FRMD4B: variants seen among roughly 807,000 people sequenced by gnomAD.
The protein encoded by FRMD4B is FERM domain-containing protein 4B.
A neutral mutation model predicts 141.5 loss-of-function variants in FRMD4B; 74 were observed. That is an observed-to-expected ratio of 0.52 (90% confidence interval 0.43 to 0.63). The LOEUF (loss-of-function observed/expected upper bound fraction) is 0.63, where lower values mean the gene tolerates loss of function less well. Among genes scored for constraint, FRMD4B ranks in the 30% least tolerant of loss-of-function variants. The pLI, the probability that FRMD4B is intolerant of heterozygous loss-of-function variation, is 0.00. For synonymous variants in FRMD4B, 506 were observed against 467.9 expected, an observed-to-expected ratio of 1.08 and a Z score of -1.05; for missense variants, 1,366 against 1,253.4, an observed-to-expected ratio of 1.09 and a Z score of -1.36.
At chr3:69,476,306 A>C (rs1251263208) in intron 1 of FRMD4B, among the ~76,000 whole-genome samples, 1 of 151,956 alleles carries the variant, frequency 6.6e-6, no homozygotes, top group Non-Finnish European at 1.5e-5. Flanking sequence ...GGTAATGCCT[A>C]GGTTTTCTTC....
At chr3:69,321,458 C>T (rs548950304) in intron 1 of FRMD4B, among the ~76,000 whole-genome samples, 199 of 152,240 alleles carry the variant, frequency 1.3e-3, no homozygotes, top group African/African-American at 4.0e-3. Flanking sequence ...ATTTTCTGTG[C>T]GGTCACCTTC....
intron 1 of FRMD4B, among the ~76,000 whole-genome samples, chr3:69,371,471 T>C (rs1451928709): frequency 6.6e-6 from 1 of 152,096 alleles, no homozygotes; most frequent in Non-Finnish European, 1.5e-5. Context: ...TGAAGGGATC[T>C]GAACAGAAAA....
At chr3:69,194,987 T>C (rs1364949401) in intron 16 of FRMD4B, 35 bp downstream of exon 16, 1 of 1,593,952 alleles carries the variant, frequency 6.3e-7, no homozygotes, top group Non-Finnish European at 8.6e-7. Context: ...TCCTGTCTTA[T>C]GATTAATTGA....
chr3:69,358,856 T>TA (rs1703395572), intron 1 of FRMD4B, among the ~76,000 whole-genome samples: 1 of 152,246 alleles, frequency 6.6e-6, no homozygotes. Context: ...TAATAAAAGA[T>TA]AAGTTCAGCC....
intron 11 of FRMD4B, among the ~76,000 whole-genome samples, chr3:69,211,194 G>A (rs2093076025): frequency 6.6e-6 from 1 of 152,044 alleles, no homozygotes; most frequent in Non-Finnish European, 1.5e-5. Flanking sequence ...TATCAGCTAT[G>A]GTGCTAAATT....
chr3:69,495,941 T>C (rs1032477591), intron 1 of FRMD4B, among the ~76,000 whole-genome samples: 4 of 152,320 alleles, frequency 2.6e-5, no homozygotes, highest in African/African-American at 9.6e-5. Flanking sequence ...GCAGTGATTT[T>C]ATGGCACAAG....
chr3:69,173,857 G>C (rs2092614217), intron 22 of FRMD4B, among the ~76,000 whole-genome samples: 1 of 152,154 alleles, frequency 6.6e-6, no homozygotes, highest in African/African-American at 2.4e-5. Flanking sequence ...TGCAATACTG[G>C]GCTGGGCGCC....
At chr3:69,380,134 T>C (rs555792403) in intron 1 of FRMD4B, among the ~76,000 whole-genome samples, 2 of 152,360 alleles carry the variant, frequency 1.3e-5, no homozygotes, top group South Asian at 4.1e-4. Flanking sequence ...TATAGCAAGA[T>C]TGTCTCTTCA....
intron 1 of FRMD4B, among the ~76,000 whole-genome samples, chr3:69,331,065 C>T (rs1211699352): frequency 6.6e-6 from 1 of 152,188 alleles, no homozygotes; most frequent in African/African-American, 2.4e-5. Context: ...TCTCAACCAA[C>T]ACTTGAGGCT....
intron 11 of FRMD4B, among the ~76,000 whole-genome samples, chr3:69,207,285 A>G (rs1462700436): frequency 2.7e-5 from 4 of 147,996 alleles, no homozygotes; most frequent in Non-Finnish European, 6.0e-5. Flanking sequence ...AGCCTGGGCA[A>G]CAGAGTTAGA....
chr3:69,265,015 GGAGGCA>G (rs1397954908), intron 5 of FRMD4B, among the ~76,000 whole-genome samples: 1 of 151,844 alleles, frequency 6.6e-6, no homozygotes, highest in Non-Finnish European at 1.5e-5. Context: ...CAACACTTTG[GGAGGCA>G]GAGGCAGGCG....
chr3:69,469,680 G>A (rs1185221201), intron 1 of FRMD4B, among the ~76,000 whole-genome samples: 1 of 152,182 alleles, frequency 6.6e-6, no homozygotes, highest in African/African-American at 2.4e-5. Context: ...ATTAATCACA[G>A]TAATTCAATT....
intron 1 of FRMD4B, among the ~76,000 whole-genome samples, chr3:69,522,202 A>G (rs1286447288): frequency 6.6e-6 from 1 of 152,126 alleles, no homozygotes; most frequent in African/African-American, 2.4e-5. Flanking sequence ...TCAGTGGGCT[A>G]GCACATCAAA....
At position 69,245,355 on chromosome 3, in the gene FRMD4B, T is replaced by TGTG. The variant is rs1350634069; in HGVS notation, c.581+3870_581+3871insCAC. On this transcript the variant is annotated intron_variant, in intron 7 of 22. Coordinates refer to ENST00000398540, the MANE Select transcript of FRMD4B (RefSeq NM_015123.3). ...TGTGTGTGTGTGTGTGTGTGTGTGTTTTTAGACAGAGTCTTGCTCTGTTGC... is the reference window on the plus strand; with the variant it reads ...TGTGTGTGTGTGTGTGTGTGTGTGTTGTGTTTAGACAGAGTCTTGCTCTGTTGC... Among the ~76,000 whole-genome samples the TGTG allele has an allele frequency of 1.0e-2, 1,471 of 147,286 alleles. 24 individuals carry two copies. Among genetic ancestry groups the TGTG allele is most frequent in the African/African-American group, 0.034 (1,362 of 39,564 alleles).
intron 1 of FRMD4B, among the ~76,000 whole-genome samples, chr3:69,441,637 TCTGTGTCCCCAGAAC>T (rs1241397989): frequency 3.3e-5 from 5 of 152,212 alleles, no homozygotes; most frequent in Non-Finnish European, 7.4e-5. Flanking sequence ...CTTGTTCTTT[TCTGTGTCCCCAGAAC>T]CTACAGCAAT....
At chr3:69,398,029 A>T (rs1396650507) in intron 2 of FRMD4B, among the ~76,000 whole-genome samples, 2 of 152,198 alleles carry the variant, frequency 1.3e-5, no homozygotes, top group Non-Finnish European at 2.9e-5. Flanking sequence ...TTTGGAAAAA[A>T]ATCCTATTTT....
intron 1 of FRMD4B, among the ~76,000 whole-genome samples, chr3:69,362,803 C>A (rs573694658): frequency 3.3e-5 from 5 of 151,892 alleles, no homozygotes; most frequent in Admixed American, 6.6e-5. Flanking sequence ...TAAACAATTT[C>A]TTTCTATTCC....
At chr3:69,192,307 T>C (rs2092846742) in intron 17 of FRMD4B, among the ~76,000 whole-genome samples, 1 of 152,014 alleles carries the variant, frequency 6.6e-6, no homozygotes, top group Non-Finnish European at 1.5e-5. Context: ...GCCCAGGAAG[T>C]CGAGGCTGCA....
chr3:69,352,238 C>G (rs986132539), intron 1 of FRMD4B, among the ~76,000 whole-genome samples: 32 of 152,250 alleles, frequency 2.1e-4, no homozygotes, highest in Admixed American at 2.1e-3. Flanking sequence ...GGCCTTAGGT[C>G]ACCATAATGT....
Sources: gnomAD v4.1 joint callset for allele counts (sites outside exome capture counted in the v4.1 genomes callset) on GRCh38, gnomAD v4.1.1 for gene constraint, MANE v1.5 for transcripts, NCBI Gene and HGNC (gene_info 2026-07-23, HGNC 2026-07-21) for gene names.